Variants in MMS19 observed in about 807,000 individuals in gnomAD.
MMS19 encodes MMS19 nucleotide excision repair protein homolog.
Under a neutral mutation model 129.8 loss-of-function variants are expected in MMS19, and 77 were observed. The ratio of observed to expected loss-of-function variants is 0.59; its 90% CI spans 0.49 to 0.72. The LOEUF (loss-of-function observed/expected upper bound fraction) is 0.72. Ranked by LOEUF, MMS19 falls within the 30% of genes least tolerant of loss-of-function variation. MMS19 has a pLI of 0.00. For synonymous variants in MMS19, 491 were observed against 502.8 expected (o/e 0.98, Z 0.31); for missense variants, 1,168 against 1,266.3 (o/e 0.92, Z 1.18).
At chr10:97,480,845 T>C (rs1446306013) in intron 3 of MMS19, 97 bp downstream of exon 3, 3 of 783,378 alleles carry the variant, frequency 3.8e-6, no homozygotes, top group Non-Finnish European at 6.7e-6. Flanking sequence ...ATAGATACTT[T>C]AAGCCCTCCC....
upstream of MMS19, chr10:97,498,556 G>T: frequency 1.3e-6 from 1 of 796,718 alleles, no homozygotes; most frequent in Non-Finnish European, 1.9e-6. Context: ...GCCTGAAATG[G>T]GGCGGTGGCA....
intron 8 of MMS19, among the ~76,000 whole-genome samples, chr10:97,475,827 C>T (rs2035656917): frequency 1.3e-5 from 2 of 152,056 alleles, no homozygotes; most frequent in Non-Finnish European, 2.9e-5. Flanking sequence ...GGAGCTAAAC[C>T]AGGATCTTTC....
intron 1 of MMS19, among the ~76,000 whole-genome samples, chr10:97,485,847 G>A (rs1259566350): frequency 6.6e-6 from 1 of 152,254 alleles, no homozygotes; most frequent in Non-Finnish European, 1.5e-5. Context: ...AAGAGAGAGA[G>A]AAAAGGTAAC....
chr10:97,496,578 A>C (rs1325435861), intron 1 of MMS19, among the ~76,000 whole-genome samples: 1 of 152,162 alleles, frequency 6.6e-6, no homozygotes. Context: ...ATTCAAGATA[A>C]GACATTCAAG....
intron 8 of MMS19, among the ~76,000 whole-genome samples, chr10:97,471,370 T>G (rs569548144): frequency 1.3e-5 from 2 of 152,134 alleles, no homozygotes; most frequent in Non-Finnish European, 2.9e-5. Flanking sequence ...TTTTTCACCC[T>G]TATAAAAAGC....
At chr10:97,466,441 T>G in intron 16 of MMS19, 63 bp downstream of exon 16, 1 of 1,316,184 alleles carries the variant, frequency 7.6e-7, no homozygotes, top group African/African-American at 1.4e-5. Flanking sequence ...CCTAGCTTGA[T>G]CTTTTGCTGC....
chr10:97,495,023 G>A (rs978580943), intron 1 of MMS19, among the ~76,000 whole-genome samples: 4 of 152,332 alleles, frequency 2.6e-5, no homozygotes, highest in African/African-American at 7.2e-5. Flanking sequence ...AAATAAGTGC[G>A]TACTACAAAG....
chr10:97,472,675 T>C (rs564106115), intron 8 of MMS19, among the ~76,000 whole-genome samples: 68 of 152,236 alleles, frequency 4.5e-4, no homozygotes, highest in South Asian at 1.7e-3. Flanking sequence ...AGAGGCATGA[T>C]CTTGGCTCAA....
At chr10:97,475,681 G>A (rs966680803) in intron 8 of MMS19, among the ~76,000 whole-genome samples, 7 of 152,192 alleles carry the variant, frequency 4.6e-5, no homozygotes, top group African/African-American at 1.7e-4. Flanking sequence ...AGGTTGCAGT[G>A]AGTTGAGATC....
At chr10:97,473,506 A>C (rs2135366599) in intron 8 of MMS19, among the ~76,000 whole-genome samples, 1 of 151,802 alleles carries the variant, frequency 6.6e-6, no homozygotes, top group Middle Eastern at 3.4e-3. Context: ...AAAATGAGGA[A>C]TATGTGAACT....
chr10:97,461,267 C>A, intron 23 of MMS19: 2 of 617,328 alleles, frequency 3.2e-6, no homozygotes, highest in Non-Finnish European at 2.8e-6. Context: ...GGGAGTAGGA[C>A]GGCAGAACTA....
chr10:97,468,613 T>C (rs930838113), intron 12 of MMS19, among the ~76,000 whole-genome samples: 4 of 151,978 alleles, frequency 2.6e-5, no homozygotes, highest in Non-Finnish European at 5.9e-5. Flanking sequence ...TTAAGGAATG[T>C]CATTTGTTTT....
At chr10:97,481,200 G>A (rs543426822) in intron 2 of MMS19, among the ~76,000 whole-genome samples, 158 bp from the exon 3 acceptor site, 2 of 152,250 alleles carry the variant, frequency 1.3e-5, no homozygotes, top group South Asian at 2.1e-4. Context: ...CTGAGGTAAC[G>A]GCATTACAGA....
At position 97,466,520 on chromosome 10, in the gene MMS19, C is replaced by T. The variant is rs753193808; in HGVS notation, c.1489G>A (p.Glu497Lys). 1 of 1,613,600 alleles carries T rather than the reference C, an allele frequency of 6.2e-7. No individual in the cohort carries two copies. Among genetic ancestry groups the T allele is most frequent in the Admixed American group, 1.7e-5 (1 of 60,028 alleles). The change falls in exon 16 of 31, where the codon GAG (glutamate) becomes AAG (lysine). Residue 497 changes from glutamate (E) to lysine (K), a missense_variant. By Grantham distance (56) the Glu-to-Lys change is moderately conservative. Around this residue, in one of 3 missense-constraint regions of MMS19, gnomAD observed 831 missense variants for 910.8 expected, o/e 0.91. Coordinates refer to ENST00000438925, the MANE Select transcript of MMS19 (RefSeq NM_022362.5). ...GHLYRLSFLK[E>K]DSQSCRVAAL... ...AATTCTCACCAACTCTGGGAATCCTCCTTCAGGAAGCTCAGTCTGTACAGG... is the reference window on the plus strand; with the variant it reads ...AATTCTCACCAACTCTGGGAATCCTTCTTCAGGAAGCTCAGTCTGTACAGG...
At position 97,460,059 on chromosome 10, in the gene MMS19, A is replaced by G; in HGVS notation, c.2643T>C (p.His881=). Residue 881 remains histidine (H), a synonymous_variant, in exon 26 of 31, where the codon CAT becomes CAC. Coordinates refer to ENST00000438925, the MANE Select transcript of MMS19 (RefSeq NM_022362.5). ...DNVPALVQGF[H]AAPQDVKPNY... is the part of the protein sequence containing the mutation. Reference sequence around the variant, plus strand: ...CAGACTCCTCACCTTGGGGAGCAGCATGGAAGCCCTGGACCAAAGCAGGCA... The same window carrying G: ...CAGACTCCTCACCTTGGGGAGCAGCGTGGAAGCCCTGGACCAAAGCAGGCA... 1.2e-6 allele frequency: 2 copies of G among 1,613,854 alleles called. No homozygotes were observed. Among genetic ancestry groups the G allele is most frequent in the Non-Finnish European group, 1.7e-6 (2 of 1,179,754 alleles).
chr10:97,469,842 T>A, intron 10 of MMS19, 119 bp from the exon 11 acceptor site: 1 of 792,924 alleles, frequency 1.3e-6, no homozygotes, highest in South Asian at 1.6e-5. Context: ...CCAGTTAAGA[T>A]TTTTAACAGT....
At chr10:97,480,660 C>A (rs901081188) in intron 3 of MMS19, among the ~76,000 whole-genome samples, 11 of 152,278 alleles carry the variant, frequency 7.2e-5, no homozygotes, top group Admixed American at 1.3e-4. Flanking sequence ...CGGCTCACTG[C>A]AACTTCCATC....
At chr10:97,461,081 A>G in intron 23 of MMS19, 74 bp from the exon 24 acceptor site, 1 of 1,227,814 alleles carries the variant, frequency 8.1e-7, no homozygotes, top group Non-Finnish European at 1.1e-6. Context: ...AAATCACTTT[A>G]AGTGCAGAGC....
Position 97,498,364 on chromosome 10 carries a change from C to T in MMS19, c.21G>A (p.Val7=), listed in dbSNP as rs749606488. The part of the protein sequence containing the change: MAAAAA[V]EAAAPMGALW... ...GGGCACCCATAGGCGCCGCCGCCTC[C>T]ACAGCCGCGGCAGCGGCCATAACGC... is the stretch of plus-strand genomic sequence containing the variant. Residue 7 remains valine, a synonymous_variant, in exon 1 of 31, where the codon GTG becomes GTA. Coordinates refer to ENST00000438925, the MANE Select transcript of MMS19 (RefSeq NM_022362.5). 15 of 1,575,748 alleles carry T rather than the reference C, an allele frequency of 9.5e-6. No homozygotes were observed. In the Admixed American group the frequency reaches 1.2e-4, roughly 13 times the overall value.
Sources: allele counts gnomAD v4.1 joint callset (sites outside exome capture counted in the v4.1 genomes callset), GRCh38; gene constraint gnomAD v4.1.1; regional missense constraint gnomAD v4.1.1; transcripts MANE v1.5; gene names NCBI Gene and HGNC (gene_info 2026-07-23, HGNC 2026-07-21).